Variants in SEMA3B observed in about 807,000 individuals in gnomAD.
The protein encoded by SEMA3B is semaphorin 3B.
In SEMA3B, 71 loss-of-function variants were observed where a neutral mutation model predicts 77.8. The observed-to-expected ratio is 0.91, with a 90% CI of 0.75 to 1.11. SEMA3B has a LOEUF of 1.11. Among genes scored for constraint, SEMA3B ranks in the 50% most tolerant of loss-of-function variants. SEMA3B has a pLI of 0.00. For synonymous variants in SEMA3B, 470 were observed against 452.9 expected (o/e 1.04, Z -0.48); for missense variants, 968 against 1,056.8 (o/e 0.92, Z 1.17).
At position 50,270,433 on chromosome 3, in the gene SEMA3B, C is replaced by G. The variant is rs1553705151; in HGVS notation, c.268C>G (p.Leu90Val). The G allele has an allele frequency of 6.2e-7, 1 of 1,613,674 alleles. No homozygotes were observed. Among genetic ancestry groups the G allele is most frequent in the African/African-American group, 1.3e-5 (1 of 74,938 alleles). ...CCCCTCTCCCCCAACCTCCCGATAG[C>G]TGGCCTGGCCGGCCCCTGTGGAATG... is the stretch of plus-strand genomic sequence containing the variant. ...LDNISKRAKKLAWPAPVEWRE... is the reference protein window; with the variant it reads ...LDNISKRAKKVAWPAPVEWRE... Residue 90 changes from leucine to valine, a missense_variant and splice_region_variant, in exon 3 of 17, where the codon CTG becomes GTG. Leu to Val is a conservative substitution (Grantham distance 32). Transcript: ENST00000616701. The surrounding 1 kb of genome is among the most constrained non-coding windows in gnomAD (Gnocchi z 4.7).
rs782620831 is a variant in SEMA3B at position 50,276,376 on chromosome 3, C to T, written c.1920C>T (p.Gly640=). ...GCAGGCTGCGGCGCCGGGACTCGGG[C>T]GTGTACTTGTGCGCCGCCGTCGAGC... is the stretch of plus-strand genomic sequence containing the variant. ...LLRRLRRRDS[G]VYLCAAVEQG... is the part of the protein sequence containing the mutation. The change falls in exon 17 of 17, where the codon GGC becomes GGT. Residue 640 remains glycine, a synonymous_variant. Coordinates refer to ENST00000616701, the MANE Select transcript of SEMA3B (RefSeq NM_001290060.2). The surrounding 1 kb of genome is among the most constrained non-coding windows in gnomAD (Gnocchi z 5.8). The T allele has an allele frequency of 2.0e-6, 3 of 1,535,758 alleles. No individual in the cohort carries two copies. The African/African-American group carries it at 4.1e-5, about 21-fold the overall frequency.
At chr3:50,266,740 T>TG (rs1284907775), upstream of SEMA3B, 1 of 152,182 alleles carries the variant, frequency 6.6e-6, no homozygotes, top group Admixed American at 6.5e-5. Context: ...ATGTTACAAA[T>TG]GGGGCACGTT....
rs781965318 is a variant in SEMA3B at position 50,273,485 on chromosome 3, C to T, written c.810+42C>T. On this transcript the variant is annotated intron_variant, in intron 7 of 16. Transcript: ENST00000616701. This position sits in a 1 kb window ranked among gnomAD's most constrained non-coding sequence, Gnocchi z 6.5. ...CCACACCCGGCGACCCTGCCCCTAC[C>T]CCTTTGCCTGCCCTGGTCTCGCCCT... 1 of 1,609,918 alleles carries T rather than the reference C, an allele frequency of 6.2e-7. No homozygotes were observed. Among genetic ancestry groups the T allele is most frequent in the Non-Finnish European group, 8.5e-7 (1 of 1,177,026 alleles).
Position 50,270,348 on chromosome 3 carries a change from G to A in SEMA3B, c.267+64G>A. ...GAGCCCTGGGACCCCACTCCAGCCT[G>A]GAGAGACCCAGAGGAATGGCTCCCT... On this transcript the variant is annotated intron_variant, in intron 2 of 16. Transcript: ENST00000616701. The surrounding 1 kb of genome is among the most constrained non-coding windows in gnomAD (Gnocchi z 4.7). The A allele has an allele frequency of 1.2e-6, 2 of 1,609,872 alleles. No homozygotes were observed. The highest frequency in any genetic ancestry group is 1.7e-5 in the Admixed American group (1 of 59,894).
rs782524267 is a variant in SEMA3B at position 50,276,660 on chromosome 3, CT to C, written c.2205del (p.Glu736SerfsTer150). The C allele has an allele frequency of 6.3e-7, 1 of 1,584,340 alleles. No homozygotes were observed. Among genetic ancestry groups the C allele is most frequent in the Admixed American group, 1.8e-5 (1 of 56,758 alleles). Reference sequence around the variant, plus strand: ...GGCCGTAACCGGAGGACCCACGCCCCTGAGCCTCGCGCTGAGCGGGGGCCGC... The same window carrying C: ...GGCCGTAACCGGAGGACCCACGCCCCGAGCCTCGCGCTGAGCGGGGGCCGC... ...RKGRNRRTHA[P>X]EPRAERGPRS... On this transcript the variant is annotated frameshift_variant, in exon 17 of 17. Transcript: ENST00000616701. LOFTEE classifies it high-confidence loss of function. This position sits in a 1 kb window ranked among gnomAD's most constrained non-coding sequence, Gnocchi z 5.8.
At position 50,269,212 on chromosome 3, in the gene SEMA3B, C is replaced by A. The variant is rs953833300; in HGVS notation, c.-29C>A. The stretch of plus-strand genomic sequence containing the variant: ...CAAGGCTCCTCCACACACACACCCG[C>A]TGAACCCTGAGCACCCTGAGCTGCT... On this transcript the variant is annotated 5_prime_UTR_variant, in exon 1 of 17. It adds an upstream start codon to the 5' untranslated region. Coordinates refer to ENST00000616701, the MANE Select transcript of SEMA3B (RefSeq NM_001290060.2). This position sits in a 1 kb window ranked among gnomAD's most constrained non-coding sequence, Gnocchi z 4.0. The A allele has an allele frequency of 6.0e-6, 9 of 1,495,682 alleles. No homozygotes were observed. The highest frequency in any genetic ancestry group is 5.9e-5 in the Admixed American group (3 of 50,916). 92.7% of individuals were successfully genotyped at this position (1,495,682 alleles called of 1,614,324 possible). A position where few individuals can be genotyped will look rare whatever the true frequency, so the allele number is the denominator to read the frequency against.
chr3:50,274,552 G>A lies in SEMA3B; in HGVS notation c.1327G>A (p.Gly443Arg), dbSNP rs368340960. ...CGCGGACCGGGTTGCAGCCGCTGAC[G>A]GACACTATGACGTCCTCTTCATTGG... ...IAADRVAAAD[G>R]HYDVLFIGTD... Residue 443 changes from glycine to arginine, a missense_variant, in exon 11 of 17, where the codon GGA (glycine) becomes AGA (arginine). Gly to Arg is a moderately radical substitution (Grantham distance 125). Transcript: ENST00000616701. This position sits in a 1 kb window ranked among gnomAD's most constrained non-coding sequence, Gnocchi z 4.7. 2 of 1,555,808 alleles carry A rather than the reference G, an allele frequency of 1.3e-6. No individual in the cohort carries two copies. Among genetic ancestry groups the A allele is most frequent in the East Asian group, 4.5e-5 (2 of 44,002 alleles).
chr3:50,265,557 C>G (rs587670291), upstream of SEMA3B, among the ~76,000 whole-genome samples: 186 of 152,366 alleles, frequency 1.2e-3, no homozygotes, highest in Non-Finnish European at 1.3e-3. Flanking sequence ...ATGCCACTGA[C>G]AGGCAGCCCC....
Position 50,271,357 on chromosome 3 carries a change from G to T in SEMA3B, c.545-4G>T, listed in dbSNP as rs1553705344. On this transcript the variant is annotated splice_region_variant and splice_polypyrimidine_tract_variant and intron_variant, in intron 5 of 16. Transcript: ENST00000616701. ...TGCCTGAGTGGCCCTTGCTCTGTCT[G>T]CAGGGGAGGAGCTATACTCAGGGGT... 6.4e-7 allele frequency: 1 copy of T among 1,570,346 alleles called. No individual in the cohort carries two copies. The highest frequency in any genetic ancestry group is 8.6e-7 in the Non-Finnish European group (1 of 1,157,818).
At chr3:50,263,354 CTG>C (rs1466511877), upstream of SEMA3B, 2 of 151,574 alleles carry the variant, frequency 1.3e-5, no homozygotes, top group African/African-American at 4.9e-5. Flanking sequence ...CAAAAATTAA[CTG>C]TGTGTTGTGG....
chr3:50,273,636 C>CG lies in SEMA3B; in HGVS notation c.913dup (p.Asp305GlyfsTer138). The CG allele has an allele frequency of 6.2e-7, 1 of 1,611,202 alleles. No homozygotes were observed. The highest frequency in any genetic ancestry group is 8.5e-7 in the Non-Finnish European group (1 of 1,179,520). ...CCGGCGTCGAGGGCGACACCCACTT[C>CG]GATCAGCTCCGTGAGTGCGGGAGTG... On this transcript the variant is annotated frameshift_variant, in exon 8 of 17. Transcript: ENST00000616701. LOFTEE classifies it high-confidence loss of function. This position sits in a 1 kb window ranked among gnomAD's most constrained non-coding sequence, Gnocchi z 6.5.
In SEMA3B at chr3:50,274,846, T is replaced by A. The variant is rs1302439622; in HGVS notation, c.1361T>A (p.Val454Asp). 2.5e-6 allele frequency: 4 copies of A among 1,610,778 alleles called. No individual in the cohort carries two copies. The highest frequency in any genetic ancestry group is 2.5e-6 in the Non-Finnish European group (3 of 1,179,718). The change falls in exon 12 of 17, where the codon GTT (valine) becomes GAT (aspartate). Residue 454 changes from valine to aspartate, a missense_variant. Coordinates refer to ENST00000616701, the MANE Select transcript of SEMA3B (RefSeq NM_001290060.2). The surrounding 1 kb of genome is among the most constrained non-coding windows in gnomAD (Gnocchi z 4.7). The part of the protein sequence containing the change: ...HYDVLFIGTD[V>D]GTVLKVISVP... ...TTACCCCTTCTCATCCCTGCAGACG[T>A]TGGCACGGTGCTGAAGGTGATCTCG...
intron 6 of SEMA3B, among the ~76,000 whole-genome samples, chr3:50,272,367 G>A (rs1451244847): frequency 1.3e-5 from 2 of 152,100 alleles, no homozygotes; most frequent in Non-Finnish European, 2.9e-5. Context: ...TTGAGGCCAG[G>A]AGTTTGAGAC....
Position 50,270,343 on chromosome 3 carries a change from A to C in SEMA3B, c.267+59A>C. 1 of 1,609,772 alleles carries C rather than the reference A, an allele frequency of 6.2e-7. No homozygotes were observed. The highest frequency in any genetic ancestry group is 8.5e-7 in the Non-Finnish European group (1 of 1,176,730). ...GGAAGGAGCCCTGGGACCCCACTCC[A>C]GCCTGGAGAGACCCAGAGGAATGGC... On this transcript the variant is annotated intron_variant, in intron 2 of 16. Transcript: ENST00000616701. The surrounding 1 kb of genome is among the most constrained non-coding windows in gnomAD (Gnocchi z 4.7).
rs371200789 is a variant in SEMA3B at position 50,275,223 on chromosome 3, T to A, written c.1492-79T>A. 3.2e-5 allele frequency: 47 copies of A among 1,464,044 alleles called. No homozygotes were observed. The African/African-American group carries it at 6.5e-4, about 20-fold the overall frequency. 90.7% of individuals were successfully genotyped at this position (1,464,044 alleles called of 1,614,324 possible). A position where few individuals can be genotyped will look rare whatever the true frequency, so the allele number is the denominator to read the frequency against. ...GACCTCAGTGTTCCCATCTGTCGAG[T>A]GGAAGAAGGGATCCCTGACCGATGG... On this transcript the variant is annotated intron_variant, in intron 13 of 16. Coordinates refer to ENST00000616701, the MANE Select transcript of SEMA3B (RefSeq NM_001290060.2). The surrounding 1 kb of genome is among the most constrained non-coding windows in gnomAD (Gnocchi z 7.5).
Position 50,270,288 on chromosome 3 carries a change from C to T in SEMA3B, c.267+4C>T, listed in dbSNP as rs1419668258. 6.2e-7 allele frequency: 1 copy of T among 1,612,752 alleles called. No homozygotes were observed. The highest frequency in any genetic ancestry group is 1.3e-5 in the African/African-American group (1 of 74,906). ...CATCAGCAAGCGGGCCAAGAAGGTG[C>T]CAGGGACTCCCAACCCCAGCACTCC... On this transcript the variant is annotated splice_donor_region_variant and intron_variant, in intron 2 of 16. Coordinates refer to ENST00000616701, the MANE Select transcript of SEMA3B (RefSeq NM_001290060.2). This position sits in a 1 kb window ranked among gnomAD's most constrained non-coding sequence, Gnocchi z 4.7.
At chr3:50,271,228 G>C in intron 5 of SEMA3B, 47 bp downstream of exon 5, 1 of 1,549,528 alleles carries the variant, frequency 6.5e-7, no homozygotes, top group Non-Finnish European at 8.7e-7. Flanking sequence ...AGAAACTCTA[G>C]AACCTCACAA....
chr3:50,274,657 C>A lies in SEMA3B; in HGVS notation c.1357+75C>A. 6.8e-7 allele frequency: 1 copy of A among 1,481,358 alleles called. No individual in the cohort carries two copies. The highest frequency in any genetic ancestry group is 1.3e-5 in the South Asian group (1 of 76,498). 91.8% of individuals were successfully genotyped at this position (1,481,358 alleles called of 1,614,324 possible). On this transcript the variant is annotated intron_variant, in intron 11 of 16. Coordinates refer to ENST00000616701, the MANE Select transcript of SEMA3B (RefSeq NM_001290060.2). The surrounding 1 kb of genome is among the most constrained non-coding windows in gnomAD (Gnocchi z 4.7). ...GCTGCTGATGGAAGCTCTCCCTGTT[C>A]AGTCCCATCTCCACATCCTTTCCTG...
In SEMA3B at chr3:50,275,613, G is replaced by C. The variant is rs782201786; in HGVS notation, c.1703G>C (p.Gly568Ala). 1 of 1,613,754 alleles carries C rather than the reference G, an allele frequency of 6.2e-7. No homozygotes were observed. The highest frequency in any genetic ancestry group is 8.5e-7 in the Non-Finnish European group (1 of 1,179,886). Residue 568 changes from glycine to alanine, a missense_variant and splice_region_variant, in exon 15 of 17, where the codon GGA (glycine) becomes GCA (alanine). Transcript: ENST00000616701. This position sits in a 1 kb window ranked among gnomAD's most constrained non-coding sequence, Gnocchi z 7.5. Reference sequence around the variant, plus strand: ...GGCGACCCCAGCACGTTGTGCTCCGGAGGTGAGTGCCCCAGCTGCCCCTAC... The same window carrying C: ...GGCGACCCCAGCACGTTGTGCTCCGCAGGTGAGTGCCCCAGCTGCCCCTAC... ...RNGDPSTLCS[G>A]DSSRPALLEH...
Sources: allele counts gnomAD v4.1 joint callset (sites outside exome capture counted in the v4.1 genomes callset), GRCh38; gene constraint gnomAD v4.1.1; non-coding constraint Gnocchi (gnomAD v3.1); transcripts MANE v1.5; gene names NCBI Gene and HGNC (gene_info 2026-07-23, HGNC 2026-07-21).